The following CIITA variants were observed in gnomAD, a reference collection of about 807,000 sequenced individuals.
CIITA encodes the protein MHC class II transactivator.
In CIITA, 72 loss-of-function variants were observed where a neutral mutation model predicts 115.1. The ratio of observed to expected loss-of-function variants is 0.63; its 90% confidence interval spans 0.52 to 0.76. The LOEUF is 0.76. CIITA is among the 30% of genes least tolerant of loss of function. The pLI is 0.00. For missense variants in CIITA, 1,617 were observed against 1,463.8 expected, an observed-to-expected ratio of 1.10 and a Z score of -1.71; for synonymous variants, 763 against 635.6, an observed-to-expected ratio of 1.20 and a Z score of -3.02.
chr16:10,907,766 G>A lies in CIITA; in HGVS notation c.2274G>A (p.Leu758=), dbSNP rs758686243. 1.2e-6 allele frequency: 2 copies of A among 1,614,228 alleles called. No individual in the cohort carries two copies. The highest frequency in any genetic ancestry group is 1.1e-5 in the South Asian group (1 of 91,078). ...DNWLEGVPRF[L]AGLIFQPPAR... ...GGCTGGAGGGCGTGCCACGCTTTCT[G>A]GCTGGGCTGATCTTCCAGCCTCCCG... Residue 758 remains leucine, a synonymous_variant, in exon 11 of 20, where the codon CTG becomes CTA. Coordinates refer to ENST00000324288, the MANE Select transcript of CIITA (RefSeq NM_000246.4). The surrounding 1 kb of genome is among the most constrained non-coding windows in gnomAD (Gnocchi z 5.0).
In CIITA at chr16:10,941,643, C is replaced by T. The variant is rs897972996; in HGVS notation, n.769C>T. ...AGATGGTGCCCCCAACCAGCTGCGG[C>T]GGCATGATCTGGGCGGCTGGTCCAG... On this transcript the variant is annotated non_coding_transcript_exon_variant, in exon 2 of 2. Coordinates refer to the CIITA transcript ENST00000573379. The surrounding 1 kb of genome is among the most constrained non-coding windows in gnomAD (Gnocchi z 6.4). The T allele has an allele frequency of 2.0e-6, 3 of 1,528,966 alleles. No homozygotes were observed. The highest frequency in any genetic ancestry group is 1.4e-5 in the African/African-American group (1 of 72,562). The allele number at this position is 1,528,966 out of a possible 1,614,324, so 94.7% of individuals were successfully genotyped here.
At position 10,927,693 on chromosome 16, in the gene CIITA, G is replaced by C. The variant is rs1206936573; in HGVS notation, c.*3838G>C. On this transcript the variant is annotated 3_prime_UTR_variant, in exon 20 of 20. Transcript: ENST00000324288. ...TCCTGGTGTGGAGCCTTTTAACCCAGAGGGGCATCTTTTCGTAGTTAACGC... is the reference window on the plus strand; with the variant it reads ...TCCTGGTGTGGAGCCTTTTAACCCACAGGGGCATCTTTTCGTAGTTAACGC... 1 of 152,192 alleles carries C rather than the reference G, an allele frequency of 6.6e-6. No homozygotes were observed. Among genetic ancestry groups the C allele is most frequent in the Non-Finnish European group, 1.5e-5 (1 of 68,028 alleles). 9.4% of individuals were successfully genotyped at this position (152,192 alleles called of 1,614,324 possible). A position where few individuals can be genotyped will look rare whatever the true frequency, so the allele number is the denominator to read the frequency against.
At position 10,924,668 on chromosome 16, in the gene CIITA, C is replaced by A. The variant is rs535949810; in HGVS notation, c.*813C>A. The A allele has an allele frequency of 1.3e-5, 2 of 152,382 alleles. No homozygotes were observed. The highest frequency in any genetic ancestry group is 4.1e-4 in the South Asian group (2 of 4,828). The allele number at this position is 152,382 out of a possible 1,614,324, so 9.4% of individuals were successfully genotyped here. A position where few individuals can be genotyped will look rare whatever the true frequency, so the allele number is the denominator to read the frequency against. ...GCAACAGGCTGGGCTTCAGTGGCAG[C>A]TGCTTTTGTCTATGGGACTCAATGC... On this transcript the variant is annotated 3_prime_UTR_variant, in exon 20 of 20. Coordinates refer to ENST00000324288, the MANE Select transcript of CIITA (RefSeq NM_000246.4).
chr16:10,878,674 A>G (rs1420747860), intron 1 of CIITA, among the ~76,000 whole-genome samples: 1 of 152,162 alleles, frequency 6.6e-6, no homozygotes, highest in Non-Finnish European at 1.5e-5. Flanking sequence ...GCTCCCTGCA[A>G]CTCAGGACTT....
intron 13 of CIITA, 121 bp from the exon 14 acceptor site, chr16:10,915,449 A>C (rs1461205486): frequency 2.6e-6 from 2 of 770,974 alleles, no homozygotes; most frequent in Non-Finnish European, 4.6e-6. Flanking sequence ...CTGGGGTGGA[A>C]GGGAAGAGGA....
In CIITA at chr16:10,941,516, C is replaced by T. The variant is rs2145447635; in HGVS notation, n.642C>T. 2 of 1,392,036 alleles carry T rather than the reference C, an allele frequency of 1.4e-6. No homozygotes were observed. Among genetic ancestry groups the T allele is most frequent in the South Asian group, 3.4e-5 (2 of 59,652 alleles). 86.2% of individuals were successfully genotyped at this position (1,392,036 alleles called of 1,614,324 possible). A position where few individuals can be genotyped will look rare whatever the true frequency, so the allele number is the denominator to read the frequency against. ...GTATCCGGCCTGGGAATTCCTCCCT[C>T]TCCCTTGCTAGCGCCCCAACCCGCC... On this transcript the variant is annotated non_coding_transcript_exon_variant, in exon 2 of 2. Transcript: ENST00000573379. This position sits in a 1 kb window ranked among gnomAD's most constrained non-coding sequence, Gnocchi z 6.4.
chr16:10,941,781 G>A lies in CIITA; in HGVS notation n.907G>A. On this transcript the variant is annotated non_coding_transcript_exon_variant, in exon 2 of 2. Coordinates refer to the CIITA transcript ENST00000573379. This position sits in a 1 kb window ranked among gnomAD's most constrained non-coding sequence, Gnocchi z 6.4. ...CAGCATCGTAAAGGCCCGAGCCGGGGTCGGAGAGCACGCCGAGGTCCACGA... is the reference window on the plus strand; with the variant it reads ...CAGCATCGTAAAGGCCCGAGCCGGGATCGGAGAGCACGCCGAGGTCCACGA... 1.2e-6 allele frequency: 2 copies of A among 1,613,738 alleles called. No homozygotes were observed. The highest frequency in any genetic ancestry group is 1.7e-6 in the Non-Finnish European group (2 of 1,179,846).
chr16:10,901,549 T>G lies in CIITA; in HGVS notation c.472T>G (p.Trp158Gly). 2 of 1,614,000 alleles carry G rather than the reference T, an allele frequency of 1.2e-6. No homozygotes were observed. Among genetic ancestry groups the G allele is most frequent in the Non-Finnish European group, 1.7e-6 (2 of 1,179,978 alleles). ...GGAGCTTCCGGCAGACCTGAAGCAC[T>G]GGAAGCCAGGTGTGCAGGGCAGGTG... ...PEELPADLKH[W>G]KPAEPPTVVT... The change falls in exon 6 of 20, where the codon TGG (tryptophan) becomes GGG (glycine). Residue 158 changes from tryptophan to glycine, a missense_variant. Coordinates refer to ENST00000324288, the MANE Select transcript of CIITA (RefSeq NM_000246.4). The surrounding 1 kb of genome is among the most constrained non-coding windows in gnomAD (Gnocchi z 6.8).
At chr16:10,866,268 T>A (rs765277750) in exon 1 of CIITA, 1 of 551,020 alleles carries the variant, frequency 1.8e-6, no homozygotes, top group Non-Finnish European at 3.5e-6. Flanking sequence ...CCAGGGCAGC[T>A]GCCCTGACTC....
rs897543782 is a variant in CIITA at position 10,907,146 on chromosome 16, C to T, written c.1654C>T (p.Arg552Cys). 28 of 1,612,922 alleles carry T rather than the reference C, an allele frequency of 1.7e-5. No homozygotes were observed. The highest frequency in any genetic ancestry group is 2.0e-5 in the Non-Finnish European group (24 of 1,179,898). ...TLLLTARPRG[R>C]LVQSLSKADA... is the part of the protein sequence containing the mutation. ...CCTCCTCACAGCCCGGCCCCGGGGC[C>T]GCCTGGTCCAGAGCCTGAGCAAGGC... Residue 552 changes from arginine (R) to cysteine (C), a missense_variant, in exon 11 of 20, where the codon CGC becomes TGC. By Grantham distance (180) the Arg-to-Cys change is radical. Coordinates refer to ENST00000324288, the MANE Select transcript of CIITA (RefSeq NM_000246.4). This position sits in a 1 kb window ranked among gnomAD's most constrained non-coding sequence, Gnocchi z 5.0.
chr16:10,907,287 C>T lies in CIITA; in HGVS notation c.1795C>T (p.Arg599Trp), dbSNP rs375045681. The change falls in exon 11 of 20, where the codon CGG (arginine) becomes TGG (tryptophan). Residue 599 changes from arginine to tryptophan, a missense_variant. Coordinates refer to ENST00000324288, the MANE Select transcript of CIITA (RefSeq NM_000246.4). This position sits in a 1 kb window ranked among gnomAD's most constrained non-coding sequence, Gnocchi z 5.0. ...EHQDRALTLLRDRPLLLSHSH... is the reference protein window; with the variant it reads ...EHQDRALTLLWDRPLLLSHSH... ...CCAAGACAGAGCCCTGACGCTCCTC[C>T]GGGACCGGCCACTTCTTCTCAGTCA... 8 of 1,613,428 alleles carry T rather than the reference C, an allele frequency of 5.0e-6. No individual in the cohort carries two copies. The highest frequency in any genetic ancestry group is 1.3e-5 in the African/African-American group (1 of 74,912).
In CIITA at chr16:10,907,071, G is replaced by C. The variant is rs35451230; in HGVS notation, c.1579G>C (p.Gly527Arg). 7.7e-5 allele frequency: 124 copies of C among 1,607,314 alleles called. No homozygotes were observed. Among genetic ancestry groups the C allele is most frequent in the Non-Finnish European group, 9.7e-5 (115 of 1,179,890 alleles). Residue 527 changes from glycine (G) to arginine (R), a missense_variant, in exon 11 of 20, where the codon GGG becomes CGG. Transcript: ENST00000324288. The surrounding 1 kb of genome is among the most constrained non-coding windows in gnomAD (Gnocchi z 5.0). The stretch of plus-strand genomic sequence containing the variant: ...ACCGGCGGAGCCCTGCTCCCTCCGG[G>C]GGCTGCTGGCCGGCCTTTTCCAGAA... Reference protein sequence around the residue: ...PAPAEPCSLRGLLAGLFQKKL... With the variant: ...PAPAEPCSLRRLLAGLFQKKL...
rs1028638116 is a variant in CIITA at position 10,929,797 on chromosome 16, G to T, written c.*5942G>T. 1 of 154,746 alleles carries T rather than the reference G, an allele frequency of 6.5e-6. No homozygotes were observed. The highest frequency in any genetic ancestry group is 1.4e-5 in the Non-Finnish European group (1 of 70,340). 9.6% of individuals were successfully genotyped at this position (154,746 alleles called of 1,614,324 possible). On this transcript the variant is annotated 3_prime_UTR_variant, in exon 20 of 20. Transcript: ENST00000324288. The surrounding 1 kb of genome is among the most constrained non-coding windows in gnomAD (Gnocchi z 4.3). ...CCTAATTTCTCAGAGACCCTGGGCT[G>T]GAGAACCAGTGCAATGTCACACGGG... is the stretch of plus-strand genomic sequence containing the variant.
Position 10,920,573 on chromosome 16 carries a change from T to C in CIITA, c.3150-1594T>C, listed in dbSNP as rs2040215852. ...GATTTACCCTTTAAGAAACATCATA[T>C]TTCATGGAATCTAAGATGCCATCCA... On this transcript the variant is annotated intron_variant, in intron 16 of 19. Coordinates refer to ENST00000324288, the MANE Select transcript of CIITA (RefSeq NM_000246.4). This position sits in a 1 kb window ranked among gnomAD's most constrained non-coding sequence, Gnocchi z 4.5. Among the ~76,000 whole-genome samples the C allele has an allele frequency of 6.6e-6, 1 of 152,214 alleles. No homozygotes were observed. The highest frequency in any genetic ancestry group is 2.4e-5 in the African/African-American group (1 of 41,448).
rs1315796486 is a variant in CIITA, at chr16:10,903,843, T to C, written c.885T>C (p.Thr295=). The C allele has an allele frequency of 6.2e-7, 1 of 1,614,078 alleles. No homozygotes were observed. Among genetic ancestry groups the C allele is most frequent in the East Asian group, 2.2e-5 (1 of 44,900 alleles). The part of the protein sequence containing the change: ...GSTSPFAPSA[T]DLPSMPEPAL... ...CCAGCCCCTTCGCTCCATCAGCCAC[T>C]GACCTGCCCAGCATGCCTGAACCTG... The change falls in exon 9 of 20, where the codon ACT becomes ACC. Residue 295 remains threonine, a synonymous_variant. Coordinates refer to ENST00000324288, the MANE Select transcript of CIITA (RefSeq NM_000246.4).
At chr16:10,881,634 A>G (rs2036443274) in intron 1 of CIITA, among the ~76,000 whole-genome samples, 1 of 152,244 alleles carries the variant, frequency 6.6e-6, no homozygotes, top group Non-Finnish European at 1.5e-5. Flanking sequence ...CCGTTTATAC[A>G]TGGAAAAAAA....
chr16:10,867,694 T>C (rs906578603), intron 1 of CIITA, among the ~76,000 whole-genome samples: 1 of 152,132 alleles, frequency 6.6e-6, no homozygotes, highest in Non-Finnish European at 1.5e-5. Flanking sequence ...CATCCTTGGC[T>C]CCTCCAACTT....
upstream of CIITA, chr16:10,866,239 C>T (rs941434332): frequency 2.8e-5 from 14 of 494,232 alleles, no homozygotes; most frequent in Middle Eastern, 6.3e-4. Flanking sequence ...GCTGGGTGAG[C>T]GGAGATTCCA....
intron 5 of CIITA, among the ~76,000 whole-genome samples, chr16:10,900,519 C>T (rs906456969): frequency 1.3e-5 from 2 of 152,104 alleles, no homozygotes; most frequent in Non-Finnish European, 2.9e-5. Flanking sequence ...GCTGGCAGAT[C>T]ACCTGAGGTC....
Sources: allele counts gnomAD v4.1 joint callset (sites outside exome capture counted in the v4.1 genomes callset), GRCh38; gene constraint gnomAD v4.1.1; non-coding constraint Gnocchi (gnomAD v3.1); transcripts MANE v1.5; gene names NCBI Gene and HGNC (gene_info 2026-07-23, HGNC 2026-07-21).